The following KCNT2 variants were observed in gnomAD, a reference collection of about 807,000 sequenced individuals.
The protein encoded by KCNT2 is potassium channel subfamily T member 2.
KCNT2 carries 67 observed loss-of-function variants against 153.8 expected under a neutral mutation model. That is an observed-to-expected ratio of 0.44 (90% CI 0.36 to 0.53). KCNT2 has a LOEUF of 0.53. Ranked by LOEUF, KCNT2 falls within the 20% of genes least tolerant of loss-of-function variation. KCNT2 has a pLI of 0.00. For missense variants in KCNT2, 975 were observed against 1,354.8 expected (o/e 0.72, Z 4.40); for synonymous variants, 500 against 458.8 (o/e 1.09, Z -1.15).
Position 196,285,696 on chromosome 1 carries a change from C to T in KCNT2, c.2658G>A (p.Arg886=), listed in dbSNP as rs760275404. The change falls in exon 23 of 28, where the codon AGG becomes AGA. Residue 886 remains arginine, a synonymous_variant. Coordinates refer to ENST00000294725, the MANE Select transcript of KCNT2 (RefSeq NM_198503.5). ...TGTCCAACATACTGATGCTAAACAC[C>T]CTCCCAGCAGCAAAAGGCAGTCGAA... The part of the protein sequence containing the change: ...FMFRLPFAAG[R]VFSISMLDTL... 12 of 1,612,712 alleles carry T rather than the reference C, an allele frequency of 7.4e-6. No individual in the cohort carries two copies. The highest frequency in any genetic ancestry group is 3.3e-5 in the Admixed American group (2 of 59,932).
rs139444944 is a variant in KCNT2 at position 196,379,674 on chromosome 1, C to T, written c.1295-6426G>A. Reference sequence around the variant, plus strand: ...CATGCATCTTATCTTGTATTTTCTTCTCATCCATTTAAAGTTTCTGTTTAT... The same window carrying T: ...CATGCATCTTATCTTGTATTTTCTTTTCATCCATTTAAAGTTTCTGTTTAT... On this transcript the variant is annotated intron_variant, in intron 13 of 27. Transcript: ENST00000294725. Among the ~76,000 whole-genome samples the T allele has an allele frequency of 2.6e-5, 4 of 151,616 alleles. No individual in the cohort carries two copies. In the East Asian group the frequency reaches 7.8e-4, roughly 29 times the overall value.
At chr1:196,237,520 G>A (rs1654551104) in intron 26 of KCNT2, among the ~76,000 whole-genome samples, 1 of 151,644 alleles carries the variant, frequency 6.6e-6, no homozygotes. Flanking sequence ...AGGGTTGCCA[G>A]GAAAAATAGA....
At chr1:196,340,613 T>C in intron 15 of KCNT2, 43 bp from the exon 16 acceptor site, 1 of 1,184,186 alleles carries the variant, frequency 8.4e-7, no homozygotes. Context: ...AATTAGTAAA[T>C]TATTGTAAGG....
intron 13 of KCNT2, among the ~76,000 whole-genome samples, chr1:196,380,865 T>G (rs1309744769): frequency 6.6e-6 from 1 of 152,194 alleles, no homozygotes; most frequent in African/African-American, 2.4e-5. Context: ...TTTGATCCTG[T>G]TACTTTAATC....
intron 22 of KCNT2, among the ~76,000 whole-genome samples, chr1:196,301,640 C>T (rs1013584337): frequency 6.6e-6 from 1 of 152,194 alleles, no homozygotes; most frequent in Admixed American, 6.5e-5. Context: ...CCACACCTAT[C>T]CCTATAAATC....
chr1:196,411,446 T>TA (rs35196093), intron 12 of KCNT2, among the ~76,000 whole-genome samples: 25,020 of 95,940 alleles, frequency 0.26, 2,901 homozygotes, highest in Admixed American at 0.3. Context: ...CTATTCCAGT[T>TA]AAAAAAAAAA....
At chr1:196,252,306 G>C (rs1239116293) in intron 26 of KCNT2, among the ~76,000 whole-genome samples, 1 of 151,692 alleles carries the variant, frequency 6.6e-6, no homozygotes. Flanking sequence ...CAGACCATAT[G>C]ATAACTGTTG....
chr1:196,519,911 A>T (rs1653123357), intron 1 of KCNT2, among the ~76,000 whole-genome samples: 1 of 152,196 alleles, frequency 6.6e-6, no homozygotes, highest in South Asian at 2.1e-4. Context: ...ATTCCAAAAA[A>T]TTGAAGAGAA....
chr1:196,444,111 T>A (rs1160620417), intron 8 of KCNT2, among the ~76,000 whole-genome samples: 3 of 150,930 alleles, frequency 2.0e-5, no homozygotes, highest in South Asian at 2.1e-4. Flanking sequence ...AGAGAGAGAG[T>A]ATGTGTGTGT....
At chr1:196,257,921 T>C (rs1490925634) in intron 26 of KCNT2, 7 of 956,594 alleles carry the variant, frequency 7.3e-6, no homozygotes, top group Non-Finnish European at 8.7e-6. Flanking sequence ...ACACAGGGTC[T>C]GGCTCAGAGT....
chr1:196,491,120 A>C (rs564370971), intron 2 of KCNT2, among the ~76,000 whole-genome samples: 4 of 152,156 alleles, frequency 2.6e-5, no homozygotes, highest in South Asian at 2.1e-4. Context: ...GTTGCAGCTG[A>C]CTATGGGTGA....
In KCNT2 at chr1:196,570,185, A is replaced by T. The variant is rs542530244; in HGVS notation, c.95+38030T>A. On this transcript the variant is annotated intron_variant, in intron 1 of 27. Coordinates refer to ENST00000294725, the MANE Select transcript of KCNT2 (RefSeq NM_198503.5). ...TTCATTCCACTAAAAGCAACCAAAA[A>T]CAGTAACAACAGCAAGAATAACCTG... Among the ~76,000 whole-genome samples the T allele has an allele frequency of 1.5e-3, 227 of 152,240 alleles. 2 individuals are homozygous for T. Among genetic ancestry groups the T allele is most frequent in the African/African-American group, 3.9e-3 (162 of 41,546 alleles).
At chr1:196,580,035 A>AT (rs2148972651) in intron 1 of KCNT2, among the ~76,000 whole-genome samples, 1 of 152,310 alleles carries the variant, frequency 6.6e-6, no homozygotes, top group South Asian at 2.1e-4. Flanking sequence ...GGTAGAATAA[A>AT]AAGATTTTCA....
At chr1:196,340,719 G>A (rs2148154353) in intron 15 of KCNT2, 149 bp from the exon 16 acceptor site, 1 of 581,800 alleles carries the variant, frequency 1.7e-6, no homozygotes, top group Middle Eastern at 4.6e-4. Context: ...TAAACTATGT[G>A]CTTAGTGTGT....
chr1:196,593,323 C>T lies in KCNT2; in HGVS notation c.95+14892G>A, dbSNP rs1037144427. Among the ~76,000 whole-genome samples, 48 of 147,630 alleles carry T rather than the reference C, an allele frequency of 3.3e-4. No individual in the cohort carries two copies. The East Asian group carries it at 6.3e-3, about 19-fold the overall frequency. On this transcript the variant is annotated intron_variant, in intron 1 of 27. Coordinates refer to ENST00000294725, the MANE Select transcript of KCNT2 (RefSeq NM_198503.5). ...ATATATATATATATACACACACACACACACACACACACACACACATATATA... is the reference window on the plus strand; with the variant it reads ...ATATATATATATATACACACACACATACACACACACACACACACATATATA...
chr1:196,499,549 T>G (rs1680508665), intron 1 of KCNT2, among the ~76,000 whole-genome samples: 1 of 152,220 alleles, frequency 6.6e-6, no homozygotes, highest in South Asian at 2.1e-4. Context: ...ATGAGGACTC[T>G]GAACTAATAG....
At chr1:196,513,793 A>T (rs1367835869) in intron 1 of KCNT2, among the ~76,000 whole-genome samples, 2 of 152,190 alleles carry the variant, frequency 1.3e-5, no homozygotes, top group Non-Finnish European at 2.9e-5. Flanking sequence ...TATCCTCCAA[A>T]TGGACCTTAG....
At chr1:196,332,410 G>T (rs1189863860) in intron 17 of KCNT2, among the ~76,000 whole-genome samples, 1 of 152,014 alleles carries the variant, frequency 6.6e-6, no homozygotes, top group African/African-American at 2.4e-5. Context: ...TACATTTGAG[G>T]ACTTTGACCA....
intron 6 of KCNT2, 26 bp downstream of exon 6, chr1:196,468,968 T>C (rs767544602): frequency 4.9e-6 from 7 of 1,432,652 alleles, no homozygotes; most frequent in Middle Eastern, 2.0e-4. Flanking sequence ...ACAAAAGTGT[T>C]TTTTTAAGGT....
Sources: allele counts gnomAD v4.1 joint callset (sites outside exome capture counted in the v4.1 genomes callset), GRCh38; gene constraint gnomAD v4.1.1; transcripts MANE v1.5; gene names NCBI Gene and HGNC (gene_info 2026-07-23, HGNC 2026-07-21).